ICA1: variants seen among roughly 807,000 people sequenced by gnomAD.
ICA1 encodes 69 kDa islet cell autoantigen.
ICA1 carries 40 observed loss-of-function variants against 71.0 expected under a neutral mutation model. The observed-to-expected ratio is 0.56, with a 90% CI of 0.44 to 0.73. The LOEUF (loss-of-function observed/expected upper bound fraction) is 0.73. Among genes scored for constraint, ICA1 ranks in the 30% least tolerant of loss-of-function variants. The pLI is 0.00. For missense variants in ICA1, 578 were observed against 576.5 expected (o/e 1.00, Z -0.03); for synonymous variants, 207 against 209.5 (o/e 0.99, Z 0.10).
At chr7:8,196,052 T>C (rs1405777289) in intron 6 of ICA1, among the ~76,000 whole-genome samples, 1 of 152,116 alleles carries the variant, frequency 6.6e-6, no homozygotes, top group East Asian at 1.9e-4. Flanking sequence ...CATAAGAACC[T>C]ATACATGAAT....
At chr7:8,212,882 G>A (rs142477282) in intron 6 of ICA1, among the ~76,000 whole-genome samples, 329 of 152,316 alleles carry the variant, frequency 2.2e-3, no homozygotes, top group Non-Finnish European at 3.5e-3. Context: ...GTTCCATGGG[G>A]AAAATCAATA....
Position 8,142,334 on chromosome 7 carries a change from G to A in ICA1, c.903-517C>T, listed in dbSNP as rs554153641. Among the ~76,000 whole-genome samples the A allele has an allele frequency of 7.3e-4, 111 of 152,088 alleles. 1 individual carries two copies. Among genetic ancestry groups the A allele is most frequent in the Non-Finnish European group, 1.0e-3 (69 of 68,024 alleles). On this transcript the variant is annotated intron_variant, in intron 9 of 13. Coordinates refer to ENST00000402384, the MANE Select transcript of ICA1 (RefSeq NM_001136020.3). The stretch of plus-strand genomic sequence containing the variant: ...CCCTTGAGATTCACTTGGTGCCTCC[G>A]AGCCTTCCTCCTAGCACCGTGATGC...
rs1176221305 is a variant in ICA1 at position 8,199,159 on chromosome 7, C to T, written c.579+19146G>A. On this transcript the variant is annotated intron_variant, in intron 6 of 13. Transcript: ENST00000402384. Reference sequence around the variant, plus strand: ...AAATCAGTACAACCATTGTGGAGAACTGTCTGGAGGTTCCTCAGAAAACTA... The same window carrying T: ...AAATCAGTACAACCATTGTGGAGAATTGTCTGGAGGTTCCTCAGAAAACTA... 2.0e-5 allele frequency among the ~76,000 whole-genome samples: 3 copies of T among 152,186 alleles called. No homozygotes were observed. The East Asian group carries it at 5.8e-4, about 29-fold the overall frequency.
intron 6 of ICA1, among the ~76,000 whole-genome samples, chr7:8,210,563 C>A (rs778263866): frequency 3.9e-5 from 6 of 151,952 alleles, no homozygotes; most frequent in Non-Finnish European, 5.9e-5. Flanking sequence ...AATTTCCTAG[C>A]CTATCCATTT....
At position 8,218,398 on chromosome 7, in the gene ICA1, G is replaced by A. The variant is rs1796027825; in HGVS notation, c.486C>T (p.Cys162=). 1 of 1,614,096 alleles carries A rather than the reference G, an allele frequency of 6.2e-7. No individual in the cohort carries two copies. Among genetic ancestry groups the A allele is most frequent in the Non-Finnish European group, 8.5e-7 (1 of 1,179,972 alleles). The change falls in exon 6 of 14, where the codon TGC becomes TGT. Residue 162 remains cysteine, a synonymous_variant. Coordinates refer to ENST00000402384, the MANE Select transcript of ICA1 (RefSeq NM_001136020.3). ...ATAGTGCTCCTCTATATTCCGTCCT[G>A]CACTGTTCCATGCGGTTCACCGTCA... The part of the protein sequence containing the change: ...TWLTVNRMEQ[C]RTEYRGALLW...
chr7:8,210,227 G>A (rs1236241043), intron 6 of ICA1, among the ~76,000 whole-genome samples: 1 of 152,192 alleles, frequency 6.6e-6, no homozygotes, highest in Non-Finnish European at 1.5e-5. Context: ...AGACACTTTG[G>A]AAGTAGAATT....
rs1450173868 is a variant in ICA1, at chr7:8,123,229, GA to G, written c.1330+4643del. ...GGACTCTTAGAGCTTAAAGTAGGGG[GA>G]AAAGAGGATATCATTGTTCTCCAAA... On this transcript the variant is annotated intron_variant, in intron 13 of 13. Coordinates refer to ENST00000402384, the MANE Select transcript of ICA1 (RefSeq NM_001136020.3). The surrounding 1 kb of genome is among the most constrained non-coding windows in gnomAD (Gnocchi z 4.1). Among the ~76,000 whole-genome samples the G allele has an allele frequency of 6.6e-6, 1 of 152,200 alleles. No homozygotes were observed. Among genetic ancestry groups the G allele is most frequent in the Non-Finnish European group, 1.5e-5 (1 of 68,028 alleles).
chr7:8,223,519 A>T lies in ICA1; in HGVS notation c.257-2121T>A, dbSNP rs75588090. The T allele has an allele frequency of 2.4e-3, 364 of 154,732 alleles. 1 individual carries two copies. Among genetic ancestry groups the T allele is most frequent in the African/African-American group, 8.2e-3 (340 of 41,660 alleles). The allele number at this position is 154,732 out of a possible 1,614,324, so 9.6% of individuals were successfully genotyped here. On this transcript the variant is annotated intron_variant, in intron 4 of 13. Coordinates refer to ENST00000402384, the MANE Select transcript of ICA1 (RefSeq NM_001136020.3). This position sits in a 1 kb window ranked among gnomAD's most constrained non-coding sequence, Gnocchi z 4.1. ...GGCAGTGGAAAGAAGTGTGAGCTCC[A>T]TCAGGGTCAAGGTTAGATTTTCTGA...
At chr7:8,253,831 T>C (rs1326945654) in intron 1 of ICA1, among the ~76,000 whole-genome samples, 2 of 152,132 alleles carry the variant, frequency 1.3e-5, no homozygotes, top group East Asian at 1.9e-4. Context: ...CTTTAATTCA[T>C]ATGTACATAG....
rs966824284 is a variant in ICA1 at position 8,132,926 on chromosome 7, G to A, written c.1061-4784C>T. ...CTCCATAGAGGAACCCTCTTACTGTGTATCTTTGCTTAGTCTGTGTTATGG... is the reference window on the plus strand; with the variant it reads ...CTCCATAGAGGAACCCTCTTACTGTATATCTTTGCTTAGTCTGTGTTATGG... On this transcript the variant is annotated intron_variant, in intron 12 of 13. Coordinates refer to ENST00000402384, the MANE Select transcript of ICA1 (RefSeq NM_001136020.3). This position sits in a 1 kb window ranked among gnomAD's most constrained non-coding sequence, Gnocchi z 4.5. 6.6e-6 allele frequency among the ~76,000 whole-genome samples: 1 copy of A among 152,166 alleles called. No individual in the cohort carries two copies. Among genetic ancestry groups the A allele is most frequent in the African/African-American group, 2.4e-5 (1 of 41,450 alleles).
chr7:8,246,366 A>G (rs563269606), intron 1 of ICA1, among the ~76,000 whole-genome samples: 5 of 152,352 alleles, frequency 3.3e-5, no homozygotes, highest in Non-Finnish European at 7.3e-5. Context: ...CAAGTTTCTA[A>G]TTTTGATATA....
At chr7:8,124,597 C>T (rs886092246) in intron 13 of ICA1, among the ~76,000 whole-genome samples, 4 of 152,076 alleles carry the variant, frequency 2.6e-5, no homozygotes, top group Admixed American at 6.5e-5. Flanking sequence ...GTAACAAACA[C>T]GTGTTGAAGG....
intron 8 of ICA1, among the ~76,000 whole-genome samples, chr7:8,151,983 C>G (rs185233760): frequency 6.6e-6 from 1 of 152,126 alleles, no homozygotes; most frequent in Admixed American, 6.5e-5. Flanking sequence ...AGATCAAGAG[C>G]GAGTTGTAAA....
intron 6 of ICA1, among the ~76,000 whole-genome samples, chr7:8,207,458 G>A (rs6962890): frequency 0.99 from 150,569 of 152,326 alleles, 74,423 homozygotes; most frequent in Middle Eastern, 1. Flanking sequence ...GAGTGGGATA[G>A]CTGCTGAAGA....
At chr7:8,131,222 A>G (rs10952089) in intron 12 of ICA1, among the ~76,000 whole-genome samples, 74,481 of 152,118 alleles carry the variant, frequency 0.49, 18,706 homozygotes, top group African/African-American at 0.61. Flanking sequence ...GAGAATCCTG[A>G]CAACATTGTC....
chr7:8,245,420 G>C (rs1474443979), intron 1 of ICA1, among the ~76,000 whole-genome samples: 1 of 121,672 alleles, frequency 8.2e-6, no homozygotes, highest in Non-Finnish European at 1.7e-5. Flanking sequence ...GGGGTGGGGG[G>C]TGGGGGCAGG....
Position 8,221,312 on chromosome 7 carries a change from C to T in ICA1, c.343G>A (p.Ala115Thr), listed in dbSNP as rs752635842. The T allele has an allele frequency of 2.2e-5, 36 of 1,613,628 alleles. No homozygotes were observed. Among genetic ancestry groups the T allele is most frequent in the Non-Finnish European group, 2.8e-5 (33 of 1,179,744 alleles). The change falls in exon 5 of 14, where the codon GCG becomes ACG. Residue 115 changes from alanine to threonine, a missense_variant. Coordinates refer to ENST00000402384, the MANE Select transcript of ICA1 (RefSeq NM_001136020.3). ...GAAAAGCAGAGGGCCTTTCCTGTCG[C>T]TTGCATCATCTTTCCTGCTCTGGTT... ...DKTRAGKMMQ[A>T]TGKALCFSSQ... is the part of the protein sequence containing the mutation.
intron 6 of ICA1, among the ~76,000 whole-genome samples, chr7:8,208,862 G>A (rs565837941): frequency 2.0e-5 from 3 of 152,280 alleles, no homozygotes; most frequent in Admixed American, 6.5e-5. Context: ...ATTAAGTGAT[G>A]AAACATGGAA....
Position 8,127,963 on chromosome 7 carries a change from C to G in ICA1, c.1240G>C (p.Glu414Gln). The part of the protein sequence containing the change: ...KEPVPTMALG[E>Q]PDPKAQTGSG... Reference sequence around the variant, plus strand: ...CCTGTCTGGGCCTTGGGGTCTGGCTCTCCCAGGGCCATAGTGGGCACTGGC... The same window carrying G: ...CCTGTCTGGGCCTTGGGGTCTGGCTGTCCCAGGGCCATAGTGGGCACTGGC... Residue 414 changes from glutamate to glutamine, a missense_variant, in exon 13 of 14, where the codon GAG becomes CAG. By Grantham distance (29) the Glu-to-Gln change is conservative (BLOSUM62 2). Coordinates refer to ENST00000402384, the MANE Select transcript of ICA1 (RefSeq NM_001136020.3). The G allele has an allele frequency of 1.2e-6, 2 of 1,614,212 alleles. No individual in the cohort carries two copies. The highest frequency in any genetic ancestry group is 8.5e-7 in the Non-Finnish European group (1 of 1,180,026).
Sources: gnomAD v4.1 joint callset for allele counts (sites outside exome capture counted in the v4.1 genomes callset) on GRCh38, gnomAD v4.1.1 for gene constraint, Gnocchi (gnomAD v3.1) non-coding constraint, MANE v1.5 for transcripts, NCBI Gene and HGNC (gene_info 2026-07-23, HGNC 2026-07-21) for gene names.